Variants in WWOX observed in about 807,000 individuals in gnomAD.
The protein encoded by WWOX is WW domain containing oxidoreductase.
Under a neutral mutation model 46.2 loss-of-function variants are expected in WWOX, and 69 were observed. That is an observed-to-expected ratio of 1.49 (90% CI 1.23 to 1.82). The LOEUF (loss-of-function observed/expected upper bound fraction) is 1.82. WWOX is among the 40% of genes most tolerant of loss of function. The probability of loss-of-function intolerance (pLI) is 0.00; values close to 1 mark genes in which losing one functional copy is unlikely to be tolerated. For synonymous variants in WWOX, 359 were observed against 202.6 expected (o/e 1.77, Z -6.56); for missense variants, 919 against 542.6 (o/e 1.69, Z -6.89).
At chr16:78,109,411 C>G (rs1453486700) in intron 2 of WWOX, among the ~76,000 whole-genome samples, 1 of 152,128 alleles carries the variant, frequency 6.6e-6, no homozygotes, top group Non-Finnish European at 1.5e-5. Flanking sequence ...TGGCCGTGCC[C>G]TCTAATGTCA....
chr16:78,628,883 A>T (rs139473586), intron 8 of WWOX, among the ~76,000 whole-genome samples: 3 of 152,266 alleles, frequency 2.0e-5, no homozygotes, highest in Admixed American at 1.3e-4. Context: ...CCCATTAGTG[A>T]TGGTCCCAGG....
chr16:78,710,745 G>A (rs560704776), intron 8 of WWOX, among the ~76,000 whole-genome samples: 1 of 151,046 alleles, frequency 6.6e-6, no homozygotes, highest in African/African-American at 2.4e-5. Context: ...CTCCTGAGTG[G>A]CTGGGACCGC....
At chr16:78,541,598 A>G (rs1437590679) in intron 8 of WWOX, among the ~76,000 whole-genome samples, 2 of 149,874 alleles carry the variant, frequency 1.3e-5, no homozygotes, top group Admixed American at 6.7e-5. Context: ...TTAATTGTTT[A>G]TAGTTAAGTT....
intron 8 of WWOX, among the ~76,000 whole-genome samples, chr16:78,546,872 A>G (rs766789730): frequency 6.6e-6 from 1 of 152,124 alleles, no homozygotes; most frequent in Non-Finnish European, 1.5e-5. Flanking sequence ...CATGCCCGTA[A>G]TCTTAGCACT....
At chr16:78,639,667 G>C (rs978082284) in intron 8 of WWOX, among the ~76,000 whole-genome samples, 1 of 152,034 alleles carries the variant, frequency 6.6e-6, no homozygotes, top group Non-Finnish European at 1.5e-5. Flanking sequence ...AGGTTCGAGT[G>C]ATTTTCCTGC....
At chr16:79,182,291 C>G (rs8052087) in intron 8 of WWOX, among the ~76,000 whole-genome samples, 63,275 of 151,856 alleles carry the variant, frequency 0.42, 13,928 homozygotes, top group Middle Eastern at 0.51. Context: ...GGCCCTGCCC[C>G]ATGATATACC....
chr16:78,575,290 C>G (rs1349515441), intron 8 of WWOX, among the ~76,000 whole-genome samples: 1 of 150,004 alleles, frequency 6.7e-6, no homozygotes, highest in Admixed American at 6.7e-5. Context: ...GTTGTTAAGA[C>G]TATCTAAGAT....
chr16:79,193,544 C>T (rs998697786), intron 8 of WWOX, among the ~76,000 whole-genome samples: 1 of 152,158 alleles, frequency 6.6e-6, no homozygotes, highest in African/African-American at 2.4e-5. Flanking sequence ...GCTGCTTACC[C>T]AGCAGATGAG....
At chr16:78,455,460 G>A (rs1262991818) in intron 8 of WWOX, among the ~76,000 whole-genome samples, 1 of 151,794 alleles carries the variant, frequency 6.6e-6, no homozygotes, top group African/African-American at 2.4e-5. Flanking sequence ...GGCCAAAATG[G>A]TGAAATGCCA....
rs558253317 is a variant in WWOX, at chr16:78,680,761, T to C, written c.1056+248009T>C. On this transcript the variant is annotated intron_variant, in intron 8 of 8. Transcript: ENST00000566780. The stretch of plus-strand genomic sequence containing the variant: ...CAGTAGAGTGTCCCATTGCACAGTT[T>C]GGGTATGGAGCACTTAGCCCAGTGT... Among the ~76,000 whole-genome samples the C allele has an allele frequency of 5.3e-5, 8 of 152,270 alleles. No individual in the cohort carries two copies. In the South Asian group the frequency reaches 1.7e-3, roughly 32 times the overall value.
chr16:78,996,729 A>C (rs574559637), intron 8 of WWOX, among the ~76,000 whole-genome samples: 1 of 152,220 alleles, frequency 6.6e-6, no homozygotes, highest in East Asian at 1.9e-4. Context: ...CAGCCCATGA[A>C]AACAGGTTGC....
intron 5 of WWOX, among the ~76,000 whole-genome samples, chr16:78,198,216 C>T (rs542049843): frequency 8.6e-5 from 13 of 152,020 alleles, no homozygotes; most frequent in Non-Finnish European, 5.9e-5. Context: ...CAGACTGATT[C>T]CTAGATCTTG....
intron 8 of WWOX, among the ~76,000 whole-genome samples, chr16:78,659,876 G>A (rs955745786): frequency 3.3e-5 from 5 of 152,072 alleles, no homozygotes; most frequent in Non-Finnish European, 7.4e-5. Flanking sequence ...AGCAAAGTCC[G>A]GGTCCCCAGG....
chr16:78,445,030 A>G (rs752443913), intron 8 of WWOX, among the ~76,000 whole-genome samples: 1 of 151,348 alleles, frequency 6.6e-6, no homozygotes, highest in Admixed American at 6.6e-5. Flanking sequence ...CTGCACTAAA[A>G]CTTGTTGCTG....
At chr16:78,710,107 G>A (rs1400520688) in intron 8 of WWOX, among the ~76,000 whole-genome samples, 1 of 151,908 alleles carries the variant, frequency 6.6e-6, no homozygotes, top group African/African-American at 2.4e-5. Flanking sequence ...CTTTTTGCTG[G>A]CAGTGACATA....
chr16:78,594,527 C>G lies in WWOX; in HGVS notation c.1056+161775C>G, dbSNP rs545023803. On this transcript the variant is annotated intron_variant, in intron 8 of 8. Transcript: ENST00000566780. ...TGACCACCCTGCTAGGTACAAATCC[C>G]ACATGAAAAGTCTCAATCACCTGGC... Among the ~76,000 whole-genome samples, 4 of 148,036 alleles carry G rather than the reference C, an allele frequency of 2.7e-5. No homozygotes were observed. In the East Asian group the frequency reaches 8.3e-4, roughly 31 times the overall value.
At chr16:78,671,196 G>A (rs577460774) in intron 8 of WWOX, among the ~76,000 whole-genome samples, 16 of 152,202 alleles carry the variant, frequency 1.1e-4, no homozygotes, top group Non-Finnish European at 1.8e-4. Context: ...GCTGAGGCAG[G>A]TGGATCACTT....
chr16:78,802,938 AAAAAC>A lies in WWOX; in HGVS notation c.1056+370189_1056+370193del, dbSNP rs2050931985. Among the ~76,000 whole-genome samples, 4 of 97,788 alleles carry A rather than the reference AAAAAC, an allele frequency of 4.1e-5. 1 individual carries two copies. The highest frequency in any genetic ancestry group is 9.8e-5 in the Admixed American group (1 of 10,232). 64.2% of individuals were successfully genotyped at this position (97,788 alleles called of 152,430 possible). A position where few individuals can be genotyped will look rare whatever the true frequency, so the allele number is the denominator to read the frequency against. On this transcript the variant is annotated intron_variant, in intron 8 of 8. Transcript: ENST00000566780. ...CTGAAAAAAAAAAAAAAAAAAAAAA[AAAAAC>A]AACAAACAGAAAAATGAACGAGTGA...
At chr16:78,618,414 T>C (rs1190660412) in intron 8 of WWOX, among the ~76,000 whole-genome samples, 1 of 152,220 alleles carries the variant, frequency 6.6e-6, no homozygotes, top group Non-Finnish European at 1.5e-5. Context: ...TGTCCCTGGC[T>C]TGGAGATGAC....
Sources: allele counts gnomAD v4.1 joint callset (sites outside exome capture counted in the v4.1 genomes callset), GRCh38; gene constraint gnomAD v4.1.1; transcripts MANE v1.5; gene names NCBI Gene and HGNC (gene_info 2026-07-23, HGNC 2026-07-21).